NUMB: variants seen among roughly 807,000 people sequenced by gnomAD.
NUMB encodes the protein protein numb homolog.
Under a neutral mutation model 59.7 loss-of-function variants are expected in NUMB, and 29 were observed. The ratio of observed to expected loss-of-function variants is 0.49; its 90% CI spans 0.36 to 0.66. The LOEUF (loss-of-function observed/expected upper bound fraction) is 0.66. NUMB is among the 30% of genes least tolerant of loss of function. The pLI is 0.00. For synonymous variants in NUMB, 288 were observed against 288.2 expected, an observed-to-expected ratio of 1.00 and a Z score of 0.01; for missense variants, 723 against 822.0, an observed-to-expected ratio of 0.88 and a Z score of 1.47.
chr14:73,308,058 C>T (rs954794228), intron 6 of NUMB, among the ~76,000 whole-genome samples: 1 of 152,006 alleles, frequency 6.6e-6, no homozygotes, highest in African/African-American at 2.4e-5. Context: ...AAAGATCACT[C>T]GGGTTGATCT....
At chr14:73,428,760 T>TC (rs1897695128) in intron 1 of NUMB, among the ~76,000 whole-genome samples, 1 of 152,168 alleles carries the variant, frequency 6.6e-6, no homozygotes, top group Non-Finnish European at 1.5e-5. Flanking sequence ...TGCAGTGAGC[T>TC]ATGATCACAC....
intron 4 of NUMB, among the ~76,000 whole-genome samples, chr14:73,327,869 CAT>C (rs1891745779): frequency 6.6e-6 from 1 of 152,196 alleles, no homozygotes; most frequent in African/African-American, 2.4e-5. Context: ...AAAATTCCCT[CAT>C]GATGCCCATT....
chr14:73,458,447 C>T (rs1451656385), intron 1 of NUMB, 46 bp downstream of exon 1: 1 of 153,012 alleles, frequency 6.5e-6, no homozygotes, highest in African/African-American at 2.4e-5. Flanking sequence ...GGAGATTCCG[C>T]CCCGCGACGG....
chr14:73,282,647 A>G (rs1037585475), intron 10 of NUMB, 142 bp from the exon 11 acceptor site: 17 of 856,718 alleles, frequency 2.0e-5, no homozygotes, highest in Admixed American at 6.6e-5. Context: ...AGGGCTACAA[A>G]ACCAGTTTCA....
At chr14:73,413,282 T>G (rs1896975866) in intron 1 of NUMB, among the ~76,000 whole-genome samples, 1 of 151,142 alleles carries the variant, frequency 6.6e-6, no homozygotes, top group Non-Finnish European at 1.5e-5. Flanking sequence ...AGACAGGGTT[T>G]CACCATGTTG....
chr14:73,447,889 C>T (rs966040008), intron 1 of NUMB, among the ~76,000 whole-genome samples: 3 of 151,254 alleles, frequency 2.0e-5, no homozygotes, highest in Non-Finnish European at 4.4e-5. Flanking sequence ...CCCCAACCCT[C>T]GGGTTCAAGC....
chr14:73,338,214 G>A (rs1326124328), intron 4 of NUMB, among the ~76,000 whole-genome samples: 3 of 152,038 alleles, frequency 2.0e-5, no homozygotes, highest in Non-Finnish European at 4.4e-5. Context: ...TTGAGCTCAG[G>A]ACTTTGAGGC....
Position 73,277,089 on chromosome 14 carries a change from A to C in NUMB, c.1445T>G (p.Phe482Cys), listed in dbSNP as rs1458606724. The part of the protein sequence containing the change: ...PTAISQPASP[F>C]QGNAFLTSQP... ...AGAGGTGAGGAATGCATTCCCTTGG[A>C]AAGGTGATGCTGGCTGGGAGATGGC... The change falls in exon 13 of 13, where the codon TTC (phenylalanine) becomes TGC (cysteine). Residue 482 changes from phenylalanine to cysteine, a missense_variant. Phe to Cys is a radical substitution (Grantham distance 205). Coordinates refer to ENST00000555238, the MANE Select transcript of NUMB (RefSeq NM_001005743.2). 4 of 1,613,980 alleles carry C rather than the reference A, an allele frequency of 2.5e-6. No individual in the cohort carries two copies. The highest frequency in any genetic ancestry group is 1.3e-5 in the African/African-American group (1 of 74,918).
At chr14:73,411,725 T>C (rs970059754) in intron 1 of NUMB, among the ~76,000 whole-genome samples, 4 of 152,168 alleles carry the variant, frequency 2.6e-5, no homozygotes, top group African/African-American at 9.6e-5. Flanking sequence ...AATCTATTTT[T>C]ACAGAAATTA....
intron 4 of NUMB, among the ~76,000 whole-genome samples, chr14:73,352,830 C>T (rs1893488975): frequency 6.6e-6 from 1 of 150,434 alleles, no homozygotes; most frequent in Admixed American, 6.6e-5. Context: ...GCATGAGCCA[C>T]CGTGCCTGCC....
chr14:73,413,069 TTTTTA>T (rs1896965785), intron 1 of NUMB, among the ~76,000 whole-genome samples: 1 of 151,432 alleles, frequency 6.6e-6, no homozygotes, highest in African/African-American at 2.4e-5. Flanking sequence ...TTTTTTATTA[TTTTTA>T]TTTTTATTAT....
intron 3 of NUMB, among the ~76,000 whole-genome samples, chr14:73,364,775 T>C: frequency 6.6e-6 from 1 of 152,026 alleles, no homozygotes; most frequent in Admixed American, 6.6e-5. Flanking sequence ...ACTACAGGTA[T>C]GTTGTACCTC....
intron 1 of NUMB, among the ~76,000 whole-genome samples, chr14:73,412,757 G>C (rs190810191): frequency 6.6e-6 from 1 of 151,902 alleles, no homozygotes; most frequent in South Asian, 2.1e-4. Flanking sequence ...AGCCTTTCAA[G>C]TAGCTGGGAC....
chr14:73,280,987 GC>G (rs1222897190), intron 11 of NUMB, among the ~76,000 whole-genome samples: 1 of 152,124 alleles, frequency 6.6e-6, no homozygotes, highest in Non-Finnish European at 1.5e-5. Flanking sequence ...ACCGCACCCA[GC>G]CGGTGTTGGT....
intron 4 of NUMB, among the ~76,000 whole-genome samples, chr14:73,334,290 G>A (rs1174257717): frequency 1.3e-5 from 2 of 152,046 alleles, no homozygotes; most frequent in Non-Finnish European, 2.9e-5. Flanking sequence ...GCTCATCTGC[G>A]ATACTTTTTC....
intron 2 of NUMB, among the ~76,000 whole-genome samples, chr14:73,384,739 T>C (rs10137849): frequency 1.2e-4 from 12 of 104,072 alleles, no homozygotes; most frequent in East Asian, 1.4e-3. Context: ...GGCTTTTTTG[T>C]TTGTTTGTTT....
chr14:73,281,898 A>T (rs981812926), intron 11 of NUMB, among the ~76,000 whole-genome samples: 6 of 152,144 alleles, frequency 3.9e-5, no homozygotes, highest in South Asian at 4.1e-4. Flanking sequence ...TTGGCATCTA[A>T]CCACAAGCCA....
At chr14:73,370,662 G>A (rs11623977) in intron 2 of NUMB, among the ~76,000 whole-genome samples, 27,803 of 151,568 alleles carry the variant, frequency 0.18, 3,329 homozygotes, top group East Asian at 0.53. Flanking sequence ...ACTGCACTCC[G>A]GCCTGGGTAA....
Position 73,323,143 on chromosome 14 carries a change from T to A in NUMB, c.188A>T (p.Lys63Ile). 1 of 1,612,656 alleles carries A rather than the reference T, an allele frequency of 6.2e-7. No individual in the cohort carries two copies. The part of the protein sequence containing the change: ...RGMHICEDAV[K>I]RLKAERKFFK... ...TCAAATACATACAGCTTTCAATCTT[T>A]TTACAGCATCTTCACAGATGTGCAT... Residue 63 changes from lysine to isoleucine, a missense_variant, in exon 5 of 13, where the codon AAA (lysine) becomes ATA (isoleucine). Physicochemically the swap from Lys to Ile is moderately radical, Grantham distance 102. Around this residue, in one of 2 missense-constraint regions of NUMB, gnomAD observed 317 missense variants for 436.6 expected, o/e 0.73. Coordinates refer to ENST00000555238, the MANE Select transcript of NUMB (RefSeq NM_001005743.2).
Sources: allele counts gnomAD v4.1 joint callset (sites outside exome capture counted in the v4.1 genomes callset), GRCh38; gene constraint gnomAD v4.1.1; regional missense constraint gnomAD v4.1.1; transcripts MANE v1.5; gene names NCBI Gene and HGNC (gene_info 2026-07-23, HGNC 2026-07-21).